Variants in PIP5K1A observed in about 807,000 individuals in gnomAD.
PIP5K1A encodes phosphatidylinositol 4-phosphate 5-kinase type-1 alpha.
In PIP5K1A, 46 loss-of-function variants were observed where a neutral mutation model predicts 72.9. That is an observed-to-expected ratio of 0.63 (90% CI 0.50 to 0.81). The LOEUF (loss-of-function observed/expected upper bound fraction) is 0.81. Ranked by LOEUF, PIP5K1A falls within the 30% of genes least tolerant of loss-of-function variation. The pLI is 0.00. For synonymous variants in PIP5K1A, 228 were observed against 255.1 expected (o/e 0.89, Z 1.01); for missense variants, 458 against 706.1 (o/e 0.65, Z 3.98).
chr1:151,231,599 C>T (rs1386840413), intron 4 of PIP5K1A, 72 bp from the exon 5 acceptor site: 1 of 1,340,204 alleles, frequency 7.5e-7, no homozygotes, highest in Non-Finnish European at 1.1e-6. Flanking sequence ...TTCTAGCTTC[C>T]CCTTTCTGAA....
At chr1:151,239,864 G>A in intron 11 of PIP5K1A, 91 bp from the exon 12 acceptor site, 1 of 876,714 alleles carries the variant, frequency 1.1e-6, no homozygotes, top group Non-Finnish European at 1.9e-6. Context: ...TTACCCTTCT[G>A]CTAGGGGCTC....
chr1:151,247,487 G>A (rs192109336), intron 15 of PIP5K1A, among the ~76,000 whole-genome samples: 41 of 152,062 alleles, frequency 2.7e-4, no homozygotes, highest in African/African-American at 9.6e-4. Flanking sequence ...GTGCAGTGGC[G>A]CGATCTCGGC....
At position 151,236,744 on chromosome 1, in the gene PIP5K1A, ACCAT is replaced by A. The variant is rs1690911247; in HGVS notation, c.1127_1130del (p.Thr376ArgfsTer79). On this transcript the variant is annotated frameshift_variant, in exon 9 of 16. Coordinates refer to ENST00000368888, the MANE Select transcript of PIP5K1A (RefSeq NM_001135638.2). LOFTEE classifies it high-confidence loss of function. ...CCAGGGAGAGGCTCGACGGGGTGGT[ACCAT>A]GGAGACTGATGACCAGTAAGTGGGC... is the stretch of plus-strand genomic sequence containing the variant. The A allele has an allele frequency of 6.2e-7, 1 of 1,611,442 alleles. No individual in the cohort carries two copies. Among genetic ancestry groups the A allele is most frequent in the Non-Finnish European group, 8.5e-7 (1 of 1,178,628 alleles).
chr1:151,200,242 C>T (rs1490321749), intron 1 of PIP5K1A, among the ~76,000 whole-genome samples: 1 of 151,524 alleles, frequency 6.6e-6, no homozygotes, highest in African/African-American at 2.4e-5. Context: ...GAAAAATGGA[C>T]TGGAAGAATG....
chr1:151,213,525 A>G (rs1001231860), intron 1 of PIP5K1A: 4 of 152,094 alleles, frequency 2.6e-5, no homozygotes, highest in African/African-American at 9.7e-5. Context: ...TTAAGAGAGA[A>G]TCTCTTATAT....
chr1:151,235,425 A>G (rs1690712464), intron 8 of PIP5K1A, among the ~76,000 whole-genome samples: 1 of 152,172 alleles, frequency 6.6e-6, no homozygotes, highest in Admixed American at 6.5e-5. Context: ...TCATGTGAAC[A>G]CTTCCCACTG....
intron 14 of PIP5K1A, among the ~76,000 whole-genome samples, chr1:151,243,323 C>T (rs993197824): frequency 1.3e-5 from 2 of 152,094 alleles, no homozygotes; most frequent in African/African-American, 4.8e-5. Flanking sequence ...TTGGATGAGC[C>T]CCCCAGGTAT....
intron 4 of PIP5K1A, among the ~76,000 whole-genome samples, chr1:151,231,353 T>C (rs1417683465): frequency 5.3e-5 from 8 of 152,060 alleles, no homozygotes; most frequent in Admixed American, 3.9e-4. Context: ...GTCAATACAA[T>C]GTATCTTCCA....
At chr1:151,195,884 A>AT (rs1157195462), upstream of PIP5K1A, among the ~76,000 whole-genome samples, 5,602 of 61,086 alleles carry the variant, frequency 0.092, 2,000 homozygotes, top group East Asian at 0.24. Flanking sequence ...ACACCAGCCG[A>AT]TTTTTTTTTT....
In PIP5K1A at chr1:151,201,327, A is replaced by G. The variant is rs1321839408; in HGVS notation, c.85+2246A>G. ...CTGTCAGATCCTCTCACTAACAGTTAATAATACAGATTGTATAAATGTTTT... is the reference window on the plus strand; with the variant it reads ...CTGTCAGATCCTCTCACTAACAGTTGATAATACAGATTGTATAAATGTTTT... On this transcript the variant is annotated intron_variant, in intron 1 of 15. Coordinates refer to ENST00000368888, the MANE Select transcript of PIP5K1A (RefSeq NM_001135638.2). Among the ~76,000 whole-genome samples the G allele has an allele frequency of 2.0e-5, 3 of 151,936 alleles. No individual in the cohort carries two copies. In the East Asian group the frequency reaches 5.9e-4, roughly 30 times the overall value.
upstream of PIP5K1A, among the ~76,000 whole-genome samples, chr1:151,196,807 C>T (rs1361045825): frequency 3.3e-5 from 5 of 151,164 alleles, no homozygotes; most frequent in Non-Finnish European, 7.4e-5. Context: ...GTGATCCGCC[C>T]GCCTCGGCCT....
At position 151,242,476 on chromosome 1, in the gene PIP5K1A, C is replaced by T. The variant is rs373292831; in HGVS notation, c.1549C>T (p.Pro517Ser). The change falls in exon 14 of 16, where the codon CCA becomes TCA. Residue 517 changes from proline to serine, a missense_variant. By Grantham distance (74) the Pro-to-Ser change is moderately conservative. Coordinates refer to ENST00000368888, the MANE Select transcript of PIP5K1A (RefSeq NM_001135638.2). ...LGRPDVLPQT[P>S]PLEEISEGSP... ...TCGTCCTGATGTTTTACCTCAGACT[C>T]CACCTTTGGAGGAAATCAGTGAGGG... is the stretch of plus-strand genomic sequence containing the variant. 1.2e-6 allele frequency: 2 copies of T among 1,613,852 alleles called. No individual in the cohort carries two copies. The highest frequency in any genetic ancestry group is 1.3e-5 in the African/African-American group (1 of 74,924).
At chr1:151,245,157 A>G (rs1054278361) in intron 14 of PIP5K1A, among the ~76,000 whole-genome samples, 5 of 152,098 alleles carry the variant, frequency 3.3e-5, no homozygotes, top group African/African-American at 9.7e-5. Context: ...ATCTTCTCCT[A>G]TATTTTATTA....
At chr1:151,221,433 A>G (rs895192649) in intron 1 of PIP5K1A, among the ~76,000 whole-genome samples, 1 of 152,104 alleles carries the variant, frequency 6.6e-6, no homozygotes, top group Non-Finnish European at 1.5e-5. Context: ...TAACCTATAT[A>G]CCCACCCTTG....
chr1:151,220,508 C>A (rs1228741987), intron 1 of PIP5K1A, among the ~76,000 whole-genome samples: 1 of 151,946 alleles, frequency 6.6e-6, no homozygotes, highest in Non-Finnish European at 1.5e-5. Context: ...CACTCTTTCG[C>A]CCAGGCAGGA....
At chr1:151,232,212 C>T in intron 5 of PIP5K1A, 36 bp from the exon 6 acceptor site, 2 of 1,371,166 alleles carry the variant, frequency 1.5e-6, no homozygotes, top group South Asian at 1.2e-5. Context: ...ATGATAGGGA[C>T]TGGCAAGTTA....
intron 4 of PIP5K1A, among the ~76,000 whole-genome samples, chr1:151,227,727 C>G (rs749050669): frequency 2.0e-5 from 3 of 152,072 alleles, no homozygotes; most frequent in Non-Finnish European, 2.9e-5. Flanking sequence ...TCTGTCTCTA[C>G]TAAAAATACA....
In PIP5K1A at chr1:151,208,719, C is replaced by CTTT. The variant is rs61545057; in HGVS notation, c.85+9666_85+9668dup. Reference sequence around the variant, plus strand: ...TTATTAAGGATGTTGTAATGGTACGCTTTTTTTTTTTTTTTTTTTTTTTTT... The same window carrying CTTT: ...TTATTAAGGATGTTGTAATGGTACGCTTTTTTTTTTTTTTTTTTTTTTTTTTTT... On this transcript the variant is annotated intron_variant, in intron 1 of 15. Transcript: ENST00000368888. Among the ~76,000 whole-genome samples, 393 of 43,168 alleles carry CTTT rather than the reference C, an allele frequency of 9.1e-3. 115 individuals carry two copies. The highest frequency in any genetic ancestry group is 0.012 in the Admixed American group (29 of 2,446). The allele number at this position is 43,168 out of a possible 152,430, so 28.3% of individuals were successfully genotyped here.
At chr1:151,237,849 T>G (rs746761710) in intron 9 of PIP5K1A, among the ~76,000 whole-genome samples, 1 of 146,176 alleles carries the variant, frequency 6.8e-6, no homozygotes, top group African/African-American at 2.5e-5. Flanking sequence ...ACTGAAGAAG[T>G]TGAGTTAATT....
Sources: allele counts gnomAD v4.1 joint callset (sites outside exome capture counted in the v4.1 genomes callset), GRCh38; gene constraint gnomAD v4.1.1; transcripts MANE v1.5; gene names NCBI Gene and HGNC (gene_info 2026-07-23, HGNC 2026-07-21).